The following WDR25 variants were observed in gnomAD, a reference collection of about 807,000 sequenced individuals.
The protein encoded by WDR25 is WD repeat-containing protein 25.
A neutral mutation model predicts 47.7 loss-of-function variants in WDR25; 35 were observed. The observed-to-expected ratio is 0.73, with a 90% confidence interval of 0.56 to 0.97. The LOEUF is 0.97. Ranked by LOEUF, WDR25 falls within the 50% of genes least tolerant of loss-of-function variation. The pLI is 0.00. For synonymous variants in WDR25, 248 were observed against 278.9 expected (o/e 0.89, Z 1.10); for missense variants, 634 against 704.7 (o/e 0.90, Z 1.14).
chr14:100,517,945 T>G (rs1901562470), intron 4 of WDR25, among the ~76,000 whole-genome samples: 1 of 152,264 alleles, frequency 6.6e-6, no homozygotes, highest in African/African-American at 2.4e-5. Context: ...GGATTACATC[T>G]ACATACATTG....
At chr14:100,414,903 C>CAA (rs35444675) in intron 2 of WDR25, among the ~76,000 whole-genome samples, 1 of 113,576 alleles carries the variant, frequency 8.8e-6, no homozygotes. Context: ...GACTCCATCT[C>CAA]AAAAAAAAAA....
At chr14:100,400,246 A>C (rs1897345784) in intron 2 of WDR25, among the ~76,000 whole-genome samples, 1 of 152,182 alleles carries the variant, frequency 6.6e-6, no homozygotes, top group Non-Finnish European at 1.5e-5. Context: ...TGTCATGGTG[A>C]TCCAGTGAGT....
chr14:100,479,660 T>C (rs2140313137), intron 3 of WDR25, among the ~76,000 whole-genome samples: 1 of 152,286 alleles, frequency 6.6e-6, no homozygotes, highest in South Asian at 2.1e-4. Context: ...CCTAGAACAA[T>C]TCATTTCATT....
At chr14:100,388,841 G>T (rs926805301) in intron 2 of WDR25, among the ~76,000 whole-genome samples, 4 of 152,142 alleles carry the variant, frequency 2.6e-5, no homozygotes, top group Non-Finnish European at 4.4e-5. Flanking sequence ...CCTTGTGCTC[G>T]CCAGAAGCTG....
At chr14:100,473,320 G>A (rs1032340049) in intron 3 of WDR25, among the ~76,000 whole-genome samples, 1 of 152,186 alleles carries the variant, frequency 6.6e-6, no homozygotes, top group Non-Finnish European at 1.5e-5. Flanking sequence ...GCTTAGCATG[G>A]TCAGTGACTT....
At chr14:100,445,757 G>A (rs1898811729) in intron 2 of WDR25, among the ~76,000 whole-genome samples, 1 of 152,210 alleles carries the variant, frequency 6.6e-6, no homozygotes. Flanking sequence ...GGTGGGCACA[G>A]AACGTGTTTG....
chr14:100,486,318 C>A (rs563953636), intron 4 of WDR25, among the ~76,000 whole-genome samples: 1 of 152,260 alleles, frequency 6.6e-6, no homozygotes, highest in South Asian at 2.1e-4. Context: ...TTTCCCAGGG[C>A]AGATGCCAGC....
At chr14:100,451,483 G>T (rs1341818667) in intron 2 of WDR25, among the ~76,000 whole-genome samples, 1 of 152,186 alleles carries the variant, frequency 6.6e-6, no homozygotes, top group Non-Finnish European at 1.5e-5. Context: ...GCCACCCAAA[G>T]TGTTGGGATT....
intron 1 of WDR25, among the ~76,000 whole-genome samples, chr14:100,378,001 C>G (rs895582672): frequency 6.6e-6 from 1 of 152,174 alleles, no homozygotes; most frequent in Non-Finnish European, 1.5e-5. Context: ...CCTGAGCGTT[C>G]TGTGCTGTTC....
intron 2 of WDR25, among the ~76,000 whole-genome samples, chr14:100,388,372 C>T (rs1897063504): frequency 6.6e-6 from 1 of 152,112 alleles, no homozygotes; most frequent in African/African-American, 2.4e-5. Flanking sequence ...TGATAGAGGC[C>T]CATAGAGGGG....
intron 2 of WDR25, among the ~76,000 whole-genome samples, chr14:100,427,610 G>A (rs1170868165): frequency 6.6e-6 from 1 of 152,246 alleles, no homozygotes; most frequent in African/African-American, 2.4e-5. Flanking sequence ...ACGTGTGGGT[G>A]AAGGATGTGC....
At chr14:100,514,228 G>A (rs1273111808) in intron 4 of WDR25, among the ~76,000 whole-genome samples, 8 of 152,120 alleles carry the variant, frequency 5.3e-5, no homozygotes, top group Admixed American at 3.9e-4. Flanking sequence ...GAGCCACCGC[G>A]CCCGGCCCTT....
chr14:100,382,736 A>G (rs1896934665), intron 2 of WDR25, among the ~76,000 whole-genome samples: 1 of 152,184 alleles, frequency 6.6e-6, no homozygotes, highest in Admixed American at 6.5e-5. Flanking sequence ...AGCTGAACAG[A>G]AAGCTCTTGG....
intron 3 of WDR25, among the ~76,000 whole-genome samples, chr14:100,475,535 G>A (rs374151117): frequency 6.6e-6 from 1 of 152,148 alleles, no homozygotes; most frequent in East Asian, 1.9e-4. Flanking sequence ...GGCACAGAAA[G>A]ACAAATACTG....
At chr14:100,517,838 C>T (rs571982762) in intron 4 of WDR25, among the ~76,000 whole-genome samples, 1 of 152,230 alleles carries the variant, frequency 6.6e-6, no homozygotes, top group South Asian at 2.1e-4. Flanking sequence ...AGCAAGACGC[C>T]GTCTCAAACA....
At chr14:100,448,480 C>T (rs376697506) in intron 2 of WDR25, among the ~76,000 whole-genome samples, 6 of 152,178 alleles carry the variant, frequency 3.9e-5, no homozygotes, top group Non-Finnish European at 5.9e-5. Flanking sequence ...GCATGCTGGC[C>T]GTGAGTCATG....
rs2030428061 is a variant in WDR25 at position 100,530,302 on chromosome 14, A to T, written c.*261A>T. 5.9e-6 allele frequency: 3 copies of T among 512,770 alleles called. No homozygotes were observed. The highest frequency in any genetic ancestry group is 6.9e-6 in the Non-Finnish European group (2 of 289,078). The allele number at this position is 512,770 out of a possible 1,614,324, so 31.8% of individuals were successfully genotyped here. On this transcript the variant is annotated 3_prime_UTR_variant, in exon 7 of 7. Transcript: ENST00000402312. The stretch of plus-strand genomic sequence containing the variant: ...TTGCTGTTTGTTAAGTGATTTCAGC[A>T]ACAAGTGTGCATTAGCAGCTTCTTC...
chr14:100,428,639 C>G lies in WDR25; in HGVS notation c.823-39382C>G, dbSNP rs369201237. On this transcript the variant is annotated intron_variant, in intron 2 of 6. Coordinates refer to ENST00000402312, the MANE Select transcript of WDR25 (RefSeq NM_001161476.3). The surrounding 1 kb of genome is among the most constrained non-coding windows in gnomAD (Gnocchi z 4.3). ...GGCCTTGCCAGCGGAGCCCCCTCTT[C>G]CCTGGTCTTATCCCTCGGAGGTGCT... Among the ~76,000 whole-genome samples, 23 of 152,316 alleles carry G rather than the reference C, an allele frequency of 1.5e-4. No homozygotes were observed. The highest frequency in any genetic ancestry group is 2.9e-4 in the African/African-American group (12 of 41,578).
intron 2 of WDR25, among the ~76,000 whole-genome samples, chr14:100,383,343 A>T (rs1207416185): frequency 6.6e-6 from 1 of 152,096 alleles, no homozygotes; most frequent in Non-Finnish European, 1.5e-5. Context: ...GCTGGGATTG[A>T]TCCTGTGGCC....
Sources: allele counts gnomAD v4.1 joint callset (sites outside exome capture counted in the v4.1 genomes callset), GRCh38; gene constraint gnomAD v4.1.1; non-coding constraint Gnocchi (gnomAD v3.1); transcripts MANE v1.5; gene names NCBI Gene and HGNC (gene_info 2026-07-23, HGNC 2026-07-21).